The following MRPL43 variants were observed in gnomAD, a reference collection of about 807,000 sequenced individuals.
MRPL43 encodes the protein mitochondrial ribosomal protein L43, also known as large ribosomal subunit protein mL43.
Under a neutral mutation model 12.7 loss-of-function variants are expected in MRPL43, and 9 were observed. That is an observed-to-expected ratio of 0.71 (90% CI 0.43 to 1.24). The LOEUF (loss-of-function observed/expected upper bound fraction) is 1.24, where lower values mean the gene tolerates loss of function less well. Among genes scored for constraint, MRPL43 ranks in the 50% most tolerant of loss-of-function variants. The pLI is 0.00. For missense variants in MRPL43, 211 were observed against 229.2 expected (o/e 0.92, Z 0.51); for synonymous variants, 116 against 96.4 (o/e 1.20, Z -1.19).
At chr10:100,980,020 T>G (rs574876615), downstream of MRPL43, 1 of 1,613,886 alleles carries the variant, frequency 6.2e-7, no homozygotes, top group South Asian at 1.1e-5. Flanking sequence ...GGGCCAGTGC[T>G]GAGTAGACAG....
downstream of MRPL43, chr10:100,979,935 T>C (rs376969087): frequency 9.9e-6 from 16 of 1,614,068 alleles, no homozygotes; most frequent in African/African-American, 1.9e-4. Context: ...AATACCAGGA[T>C]GGTTCCCGGC....
At chr10:100,979,911 A>T, downstream of MRPL43, 4 of 1,614,122 alleles carry the variant, frequency 2.5e-6, no homozygotes, top group Non-Finnish European at 3.4e-6. Context: ...CTGTCTTTGC[A>T]GGACCCTATA....
Position 100,986,968 on chromosome 10 carries a change from C to G in MRPL43, c.246G>C (p.Gly82=). ...AGTGGATGCTCTCCTCGCGCACAGC[C>G]CCGTTAACTGGCAGAAGAGGGGTGA... The part of the protein sequence containing the change: ...VPRVVAEYLN[G]AVREESIHCK... The change falls in exon 3 of 3, where the codon GGG becomes GGC. Residue 82 remains glycine (G), a synonymous_variant. Transcript: ENST00000318364. 6.2e-7 allele frequency: 1 copy of G among 1,606,480 alleles called. No homozygotes were observed. Among genetic ancestry groups the G allele is most frequent in the African/African-American group, 1.3e-5 (1 of 75,052 alleles).
chr10:100,983,503 A>G, downstream of MRPL43: 2 of 1,614,174 alleles, frequency 1.2e-6, no homozygotes, highest in Non-Finnish European at 1.7e-6. Context: ...AGTGGCAACT[A>G]TGGCTGCTAT....
At position 100,987,151 on chromosome 10, in the gene MRPL43, T is replaced by C. The variant is rs1218799331; in HGVS notation, c.177A>G (p.Pro59=). 1.2e-6 allele frequency: 2 copies of C among 1,613,884 alleles called. No homozygotes were observed. The highest frequency in any genetic ancestry group is 1.7e-5 in the Admixed American group (1 of 60,032). Residue 59 remains proline (P), a synonymous_variant, in exon 2 of 3, where the codon CCA becomes CCG. Transcript: ENST00000318364. ...GCGAGTTTACATATATTACGACCCC[T>C]GGATTCCGTCGGGCGAAGTCGATCA... ...REVIDFARRN[P]GVVIYVNSRP...
downstream of MRPL43, chr10:100,984,163 G>A (rs1373716210): frequency 6.3e-7 from 1 of 1,576,316 alleles, no homozygotes; most frequent in South Asian, 1.2e-5. Context: ...GCTCTTCCAA[G>A]CCAGCCTATC....
At chr10:100,983,391 G>A (rs1851219065), downstream of MRPL43, 3 of 1,611,896 alleles carry the variant, frequency 1.9e-6, no homozygotes, top group East Asian at 6.7e-5. Flanking sequence ...CCTGGCCCGG[G>A]CCTTGTGGCT....
At chr10:100,978,793 G>A, downstream of MRPL43, 3 of 1,593,586 alleles carry the variant, frequency 1.9e-6, no homozygotes, top group South Asian at 3.4e-5. Flanking sequence ...GCCTCAGAGT[G>A]AGGGAAAGGA....
downstream of MRPL43, chr10:100,981,076 G>A: frequency 2.5e-6 from 4 of 1,601,284 alleles, no homozygotes; most frequent in South Asian, 4.4e-5. Flanking sequence ...GGGAGTGCAG[G>A]GGCTAGTTAT....
rs573102142 is a variant in MRPL43 at position 100,987,037 on chromosome 10, T to G, written c.238+53A>C. The stretch of plus-strand genomic sequence containing the variant: ...CGGTGCGACCAAGCGAGAAGGAGGA[T>G]AGCGGGTCGAGCCCCTGATCCCGCC... On this transcript the variant is annotated intron_variant, in intron 2 of 2. Transcript: ENST00000318364. 6.2e-6 allele frequency: 10 copies of G among 1,607,862 alleles called. No individual in the cohort carries two copies. In the Admixed American group the frequency reaches 1.3e-4, roughly 21 times the overall value.
At chr10:100,982,141 T>C (rs1206018449), downstream of MRPL43, among the ~76,000 whole-genome samples, 1 of 151,344 alleles carries the variant, frequency 6.6e-6, no homozygotes, top group Non-Finnish European at 1.5e-5. Flanking sequence ...TTCTGGTCAC[T>C]ATACTATGCT....
At chr10:100,981,308 TTGTATC>T (rs1851060573), downstream of MRPL43, 13 of 1,598,148 alleles carry the variant, frequency 8.1e-6, no homozygotes, top group South Asian at 1.4e-4. Flanking sequence ...ACGTATATGT[TTGTATC>T]TGAGTGGCTG....
downstream of MRPL43, chr10:100,986,248 C>G: frequency 7.9e-7 from 1 of 1,259,818 alleles, no homozygotes; most frequent in Non-Finnish European, 1.0e-6. Flanking sequence ...TTAACATATG[C>G]ACACATTTTG....
downstream of MRPL43, among the ~76,000 whole-genome samples, chr10:100,982,395 A>C (rs1240878423): frequency 6.6e-6 from 1 of 152,260 alleles, no homozygotes; most frequent in African/African-American, 2.4e-5. Flanking sequence ...TCTCATGAAG[A>C]ATGGATTACA....
At chr10:100,983,434 AG>A (rs1251708384), downstream of MRPL43, 1 of 1,613,772 alleles carries the variant, frequency 6.2e-7, no homozygotes, top group East Asian at 2.2e-5. Context: ...AGCGATGGGC[AG>A]GGTGGCTACC....
chr10:100,983,690 C>G (rs749539011), downstream of MRPL43: 3 of 1,613,586 alleles, frequency 1.9e-6, no homozygotes, highest in Admixed American at 5.0e-5. Flanking sequence ...TCATCCTGGC[C>G]TCCTCCCTCC....
downstream of MRPL43, chr10:100,980,451 C>T: frequency 7.4e-7 from 1 of 1,349,514 alleles, no homozygotes; most frequent in Non-Finnish European, 1.1e-6. Flanking sequence ...TCCTGAGGGT[C>T]CACTGCTCCT....
chr10:100,986,390 T>C lies in MRPL43; in HGVS notation c.*344A>G, dbSNP rs1253929174. ...GCTCAGTGGTTGTTCCAATAAGACATCAGGGATTCTTCAGAAGCCAGCCTT... is the reference window on the plus strand; with the variant it reads ...GCTCAGTGGTTGTTCCAATAAGACACCAGGGATTCTTCAGAAGCCAGCCTT... On this transcript the variant is annotated 3_prime_UTR_variant, in exon 3 of 3. Transcript: ENST00000318364. 5 of 1,469,614 alleles carry C rather than the reference T, an allele frequency of 3.4e-6. No homozygotes were observed. Among genetic ancestry groups the C allele is most frequent in the South Asian group, 1.5e-5 (1 of 68,798 alleles). The allele number at this position is 1,469,614 out of a possible 1,614,324, so 91.0% of individuals were successfully genotyped here.
chr10:100,985,018 G>A, downstream of MRPL43: 1 of 1,095,254 alleles, frequency 9.1e-7, no homozygotes, highest in Non-Finnish European at 1.3e-6. Flanking sequence ...GGACCTGTCT[G>A]TTGGGTTTAG....
Sources: gnomAD v4.1 joint callset for allele counts (sites outside exome capture counted in the v4.1 genomes callset) on GRCh38, gnomAD v4.1.1 for gene constraint, MANE v1.5 for transcripts, NCBI Gene and HGNC (gene_info 2026-07-23, HGNC 2026-07-21) for gene names.